Variants in MYO3B observed in about 807,000 individuals in gnomAD.
MYO3B encodes the protein myosin-IIIb.
A neutral mutation model predicts 174.6 loss-of-function variants in MYO3B; 156 were observed. The observed-to-expected ratio is 0.89, with a 90% CI of 0.78 to 1.02. The LOEUF (loss-of-function observed/expected upper bound fraction) is 1.02. Ranked by LOEUF, MYO3B falls within the 50% of genes least tolerant of loss-of-function variation. The pLI is 0.00. For synonymous variants in MYO3B, 563 were observed against 569.1 expected, an observed-to-expected ratio of 0.99 and a Z score of 0.15; for missense variants, 1,632 against 1,639.4, an observed-to-expected ratio of 1.00 and a Z score of 0.08.
chr2:170,223,101 C>T (rs2092918279), intron 6 of MYO3B, among the ~76,000 whole-genome samples: 1 of 152,092 alleles, frequency 6.6e-6, no homozygotes, highest in South Asian at 2.1e-4. Context: ...GACTTTTGTT[C>T]TCTCCTACCT....
intron 27 of MYO3B, among the ~76,000 whole-genome samples, chr2:170,501,072 G>C (rs537247922): frequency 2.0e-5 from 2 of 101,460 alleles, no homozygotes; most frequent in East Asian, 6.4e-4. Context: ...CGAGAGTTGT[G>C]ATGCTGAGAC....
intron 32 of MYO3B, among the ~76,000 whole-genome samples, chr2:170,562,458 A>G (rs1691775545): frequency 6.6e-6 from 1 of 152,190 alleles, no homozygotes; most frequent in Non-Finnish European, 1.5e-5. Context: ...TATGATATAG[A>G]AAAATAACCC....
At chr2:170,405,685 C>G (rs773645106) in intron 21 of MYO3B, 52 bp downstream of exon 21, 1 of 1,375,156 alleles carries the variant, frequency 7.3e-7, no homozygotes, top group East Asian at 2.3e-5. Flanking sequence ...GGGTAAGTGT[C>G]TGTATTACCC....
intron 1 of MYO3B, among the ~76,000 whole-genome samples, chr2:170,192,803 A>G (rs1385313096): frequency 6.6e-6 from 1 of 151,606 alleles, no homozygotes; most frequent in Non-Finnish European, 1.5e-5. Flanking sequence ...TTTTATATCA[A>G]GACCTAAAAG....
chr2:170,244,250 C>A (rs1213883038), intron 7 of MYO3B, among the ~76,000 whole-genome samples: 1 of 152,092 alleles, frequency 6.6e-6, no homozygotes, highest in Non-Finnish European at 1.5e-5. Context: ...ATTTTTTTGT[C>A]TGCAGATAAA....
At chr2:170,457,165 C>T (rs112908957) in intron 23 of MYO3B, among the ~76,000 whole-genome samples, 2 of 151,972 alleles carry the variant, frequency 1.3e-5, no homozygotes, top group Non-Finnish European at 2.9e-5. Flanking sequence ...GAGTGTGTGG[C>T]GAGTGAATAT....
intron 23 of MYO3B, among the ~76,000 whole-genome samples, chr2:170,459,734 TG>T (rs1192199757): frequency 6.6e-6 from 1 of 151,182 alleles, no homozygotes; most frequent in Admixed American, 6.6e-5. Context: ...CCACTGGGGG[TG>T]GGGGGGCTTG....
chr2:170,318,626 G>A (rs1307234716), intron 7 of MYO3B, among the ~76,000 whole-genome samples: 1 of 152,206 alleles, frequency 6.6e-6, no homozygotes, highest in Non-Finnish European at 1.5e-5. Flanking sequence ...AAATAAGTAA[G>A]AGTCATATAT....
At chr2:170,644,280 G>GT (rs1698203575) in intron 32 of MYO3B, among the ~76,000 whole-genome samples, 1 of 151,238 alleles carries the variant, frequency 6.6e-6, no homozygotes, top group Non-Finnish European at 1.5e-5. Flanking sequence ...ATCTAACTGT[G>GT]TGTCTTTTTT....
At chr2:170,648,649 T>TATATAATATATATTATATTCA (rs1698567152) in intron 32 of MYO3B, among the ~76,000 whole-genome samples, 2 of 84,580 alleles carry the variant, frequency 2.4e-5, no homozygotes, top group East Asian at 2.7e-4. Context: ...TATTATATTC[T>TATATAATATATATTATATTCA]ATATAATATA....
intron 32 of MYO3B, among the ~76,000 whole-genome samples, chr2:170,643,021 C>A (rs1461611068): frequency 6.7e-6 from 1 of 149,646 alleles, no homozygotes; most frequent in African/African-American, 2.5e-5. Flanking sequence ...AGTAGAACCA[C>A]CCAAAGAGAT....
intron 8 of MYO3B, among the ~76,000 whole-genome samples, chr2:170,339,131 G>A (rs1348853917): frequency 6.6e-6 from 1 of 152,202 alleles, no homozygotes; most frequent in East Asian, 1.9e-4. Flanking sequence ...AAGAAAGATG[G>A]AGGATTAAGA....
intron 7 of MYO3B, among the ~76,000 whole-genome samples, chr2:170,282,782 G>C (rs2093522466): frequency 6.6e-6 from 1 of 152,014 alleles, no homozygotes; most frequent in Admixed American, 6.5e-5. Flanking sequence ...GCAGTGAGTG[G>C]GGAAAGCCTA....
intron 28 of MYO3B, among the ~76,000 whole-genome samples, chr2:170,505,415 T>C (rs1687561576): frequency 6.6e-6 from 1 of 152,206 alleles, no homozygotes; most frequent in Non-Finnish European, 1.5e-5. Flanking sequence ...CATACTTTGT[T>C]AAAATCCGAA....
intron 32 of MYO3B, among the ~76,000 whole-genome samples, chr2:170,578,865 T>C (rs1692959576): frequency 6.6e-6 from 1 of 152,242 alleles, no homozygotes; most frequent in South Asian, 2.1e-4. Context: ...TCTTTAGCAG[T>C]AGCTCCAAAG....
chr2:170,290,484 A>G (rs566013087), intron 7 of MYO3B, among the ~76,000 whole-genome samples: 2 of 152,200 alleles, frequency 1.3e-5, no homozygotes, highest in African/African-American at 2.4e-5. Context: ...TTTATCTGAA[A>G]TAAGTATAGC....
chr2:170,626,403 G>C (rs999788618), intron 32 of MYO3B, among the ~76,000 whole-genome samples: 4 of 152,072 alleles, frequency 2.6e-5, no homozygotes, highest in East Asian at 1.9e-4. Context: ...CCATTTGCTC[G>C]GTAGATCTGT....
chr2:170,218,735 T>A (rs902731440), intron 6 of MYO3B, among the ~76,000 whole-genome samples: 1 of 152,204 alleles, frequency 6.6e-6, no homozygotes, highest in Non-Finnish European at 1.5e-5. Context: ...ATGAACACTG[T>A]GTGACAAATA....
At chr2:170,250,839 G>A (rs894376225) in intron 7 of MYO3B, among the ~76,000 whole-genome samples, 1 of 151,886 alleles carries the variant, frequency 6.6e-6, no homozygotes, top group Non-Finnish European at 1.5e-5. Context: ...GCTGTCTAGC[G>A]GCCGACTCTC....
Sources: allele counts gnomAD v4.1 joint callset (sites outside exome capture counted in the v4.1 genomes callset), GRCh38; gene constraint gnomAD v4.1.1; transcripts MANE v1.5; gene names NCBI Gene and HGNC (gene_info 2026-07-23, HGNC 2026-07-21).